The following DIAPH1 variants were observed in gnomAD, a reference collection of about 807,000 sequenced individuals.
The protein encoded by DIAPH1 is diaphanous related formin 1, also known as protein diaphanous homolog 1.
DIAPH1 carries 46 observed loss-of-function variants against 140.7 expected under a neutral mutation model. The ratio of observed to expected loss-of-function variants is 0.33; its 90% CI spans 0.26 to 0.42. The LOEUF is 0.42. Among genes scored for constraint, DIAPH1 ranks in the 10% least tolerant of loss-of-function variants. The probability of loss-of-function intolerance (pLI) is 1.00; values close to 1 mark genes in which losing one functional copy is unlikely to be tolerated. For synonymous variants in DIAPH1, 565 were observed against 551.6 expected (o/e 1.02, Z -0.34); for missense variants, 1,310 against 1,558.7 (o/e 0.84, Z 2.69).
At chr5:141,587,559 C>T (rs2099897728) in intron 2 of DIAPH1, 1 of 283,106 alleles carries the variant, frequency 3.5e-6, no homozygotes, top group African/African-American at 2.2e-5. Context: ...TTGTTTCCTT[C>T]TAGCTACCCA....
intron 1 of DIAPH1, among the ~76,000 whole-genome samples, chr5:141,611,557 A>G (rs1765930354): frequency 6.6e-6 from 1 of 152,196 alleles, no homozygotes; most frequent in South Asian, 2.1e-4. Context: ...CTACCATTTC[A>G]AAGACAGAAT....
intron 18 of DIAPH1, among the ~76,000 whole-genome samples, chr5:141,562,621 AAAC>A (rs946000486): frequency 6.5e-5 from 6 of 92,190 alleles, no homozygotes; most frequent in East Asian, 5.4e-4. Context: ...AAAAAAAAAC[AAAC>A]AAAAAAAAAC....
At chr5:141,606,434 G>A (rs1475207713) in intron 1 of DIAPH1, among the ~76,000 whole-genome samples, 2 of 151,942 alleles carry the variant, frequency 1.3e-5, no homozygotes, top group African/African-American at 2.4e-5. Flanking sequence ...TCGCTCTGTC[G>A]CCCAGGCTGG....
intron 6 of DIAPH1, 80 bp downstream of exon 6, chr5:141,583,126 G>T (rs756545379): frequency 4.0e-5 from 49 of 1,237,706 alleles, no homozygotes; most frequent in Non-Finnish European, 5.5e-5. Context: ...ACATTTAACT[G>T]CTACTTTCTC....
intron 18 of DIAPH1, among the ~76,000 whole-genome samples, chr5:141,558,756 G>A (rs1187122033): frequency 6.6e-6 from 1 of 152,062 alleles, no homozygotes; most frequent in Non-Finnish European, 1.5e-5. Context: ...TGTAAGAAAG[G>A]TGGAAAAAAC....
At chr5:141,596,120 G>A (rs1348192076) in intron 1 of DIAPH1, among the ~76,000 whole-genome samples, 1 of 152,162 alleles carries the variant, frequency 6.6e-6, no homozygotes, top group Non-Finnish European at 1.5e-5. Context: ...GCGAGGTCAG[G>A]AGATCGAGAC....
chr5:141,586,969 T>TA, intron 3 of DIAPH1, 73 bp downstream of exon 3: 2 of 1,515,808 alleles, frequency 1.3e-6, no homozygotes, highest in Non-Finnish European at 1.8e-6. Flanking sequence ...AGTTGGGAAT[T>TA]ATGCACCAAA....
At chr5:141,518,688 AT>A (rs2099886072) in intron 27 of DIAPH1, 1 of 505,360 alleles carries the variant, frequency 2.0e-6, no homozygotes, top group African/African-American at 1.9e-5. Flanking sequence ...ATATCTGGCT[AT>A]TTTTGTATTT....
Position 141,590,134 on chromosome 5 carries a change from GACAAGAAAAATCT to G in DIAPH1, c.118-1897_118-1885del, listed in dbSNP as rs2099898176. On this transcript the variant is annotated intron_variant, in intron 1 of 27. Transcript: ENST00000389054. ...ACAAAGCTATTTTTCCTCTTTCATG[GACAAGAAAAATCT>G]ACATTATTATGTTCACGTTCCCCAT... is the stretch of plus-strand genomic sequence containing the variant. Among the ~76,000 whole-genome samples, 4 of 152,144 alleles carry G rather than the reference GACAAGAAAAATCT, an allele frequency of 2.6e-5. No individual in the cohort carries two copies. The South Asian group carries it at 8.3e-4, about 32-fold the overall frequency.
At chr5:141,605,065 A>G (rs1269864395) in intron 1 of DIAPH1, among the ~76,000 whole-genome samples, 1 of 152,122 alleles carries the variant, frequency 6.6e-6, no homozygotes, top group Non-Finnish European at 1.5e-5. Context: ...TCCATATATC[A>G]TGTACTGTTC....
chr5:141,598,730 A>G (rs1272173055), intron 1 of DIAPH1, among the ~76,000 whole-genome samples: 1 of 152,232 alleles, frequency 6.6e-6, no homozygotes, highest in Non-Finnish European at 1.5e-5. Context: ...ACCCCAAGGT[A>G]TTTATTCCCT....
At chr5:141,559,686 G>A (rs1334445211) in intron 18 of DIAPH1, among the ~76,000 whole-genome samples, 3 of 152,130 alleles carry the variant, frequency 2.0e-5, no homozygotes. Flanking sequence ...CAATTAGGGA[G>A]TGCTAAAAAG....
intron 18 of DIAPH1, among the ~76,000 whole-genome samples, chr5:141,568,718 G>C (rs1300884354): frequency 6.6e-6 from 1 of 152,126 alleles, no homozygotes; most frequent in Non-Finnish European, 1.5e-5. Flanking sequence ...CATTCTTGGA[G>C]GGGCCAGTAG....
intron 18 of DIAPH1, among the ~76,000 whole-genome samples, chr5:141,546,213 C>T (rs1218617838): frequency 1.3e-5 from 2 of 152,018 alleles, no homozygotes; most frequent in Admixed American, 1.3e-4. Flanking sequence ...GAAACCCTGT[C>T]TCTACTAAAA....
intron 1 of DIAPH1, among the ~76,000 whole-genome samples, chr5:141,589,998 G>A (rs1241986932): frequency 1.3e-5 from 2 of 151,464 alleles, no homozygotes; most frequent in East Asian, 1.9e-4. Flanking sequence ...TGATCTGCCC[G>A]CCTCCGCCTC....
intron 18 of DIAPH1, among the ~76,000 whole-genome samples, chr5:141,554,290 C>T (rs540901579): frequency 1.3e-5 from 2 of 151,598 alleles, no homozygotes; most frequent in Non-Finnish European, 2.9e-5. Flanking sequence ...CCCGCTCCCC[C>T]CAAAAAAAGG....
Position 141,578,281 on chromosome 5 carries a change from C to CCCTTTT in DIAPH1, c.1106_1107insAAAAGG (p.Gly369_Glu370insLysGly). On this transcript the variant is annotated inframe_insertion, in exon 11 of 28. Coordinates refer to ENST00000389054, the MANE Select transcript of DIAPH1 (RefSeq NM_005219.5). ...CCTTCAGGTCATAGGAATCCTCTTCCCCTTGTTCATCAAACACATTTAGTT... is the reference window on the plus strand; with the variant it reads ...CCTTCAGGTCATAGGAATCCTCTTCCCCTTTTCCTTGTTCATCAAACACATTTAGTT... The CCCTTTT allele has an allele frequency of 6.2e-7, 1 of 1,614,118 alleles. No individual in the cohort carries two copies. The highest frequency in any genetic ancestry group is 8.5e-7 in the Non-Finnish European group (1 of 1,180,008).
chr5:141,552,092 A>G (rs2099891780), intron 18 of DIAPH1, among the ~76,000 whole-genome samples: 1 of 152,234 alleles, frequency 6.6e-6, no homozygotes, highest in Non-Finnish European at 1.5e-5. Context: ...CTTATGCAGC[A>G]GAAGAGACTT....
Position 141,528,818 on chromosome 5 carries a change from G to A in DIAPH1, c.2902C>T (p.Arg968Cys), listed in dbSNP as rs777195456. 40 of 1,614,088 alleles carry A rather than the reference G, an allele frequency of 2.5e-5. No homozygotes were observed. The Middle Eastern group carries it at 6.6e-4, about 27-fold the overall frequency. ...AGATTGGAAAAGCTCTCACTCTTACGTAACTCCTCACATGCAGCAGTGACA... is the reference window on the plus strand; with the variant it reads ...AGATTGGAAAAGCTCTCACTCTTACATAACTCCTCACATGCAGCAGTGACA... ...VSVTAACEEL[R>C]KSESFSNLLE... is the part of the protein sequence containing the mutation. Residue 968 changes from arginine (R) to cysteine (C), a missense_variant, in exon 22 of 28, where the codon CGT becomes TGT. Arg to Cys is a radical substitution (Grantham distance 180). Around this residue, in one of 3 missense-constraint regions of DIAPH1, gnomAD observed 344 missense variants for 512.2 expected, o/e 0.67. Transcript: ENST00000389054.
Sources: gnomAD v4.1 joint callset for allele counts (sites outside exome capture counted in the v4.1 genomes callset) on GRCh38, gnomAD v4.1.1 for gene constraint, gnomAD v4.1.1 regional missense constraint, MANE v1.5 for transcripts, NCBI Gene and HGNC (gene_info 2026-07-23, HGNC 2026-07-21) for gene names.